The following TMEM240 variants were observed in gnomAD, a reference collection of about 807,000 sequenced individuals.
TMEM240 encodes the protein transmembrane protein 240.
TMEM240 carries 3 observed loss-of-function variants against 19.5 expected under a neutral mutation model. The ratio of observed to expected loss-of-function variants is 0.15; its 90% confidence interval spans 0.07 to 0.40. The LOEUF is 0.40. Among genes scored for constraint, TMEM240 ranks in the 10% least tolerant of loss-of-function variants. TMEM240 has a pLI of 1.00. For missense variants in TMEM240, 210 were observed against 253.5 expected (o/e 0.83, Z 1.17); for synonymous variants, 123 against 109.3 (o/e 1.13, Z -0.78).
chr1:1,535,546 C>A lies in TMEM240; in HGVS notation c.374-39G>T, dbSNP rs747363918. On this transcript the variant is annotated intron_variant, in intron 3 of 3. Transcript: ENST00000378733. This position sits in a 1 kb window ranked among gnomAD's most constrained non-coding sequence, Gnocchi z 8.2. ...GGGGCGGTCAGGCGGCTGGGGCCGG[C>A]CAGGGCGGCAGCACTCCCGGGCGGC... is the stretch of plus-strand genomic sequence containing the variant. 1.9e-6 allele frequency: 3 copies of A among 1,540,528 alleles called. No individual in the cohort carries two copies. Among genetic ancestry groups the A allele is most frequent in the South Asian group, 2.4e-5 (2 of 83,392 alleles).
rs2100700079 is a variant in TMEM240, at chr1:1,540,523, C to T, written c.-177G>A. The T allele has an allele frequency of 1.2e-5, 2 of 161,132 alleles. No homozygotes were observed. The highest frequency in any genetic ancestry group is 2.0e-4 in the East Asian group (1 of 5,090). The allele number at this position is 161,132 out of a possible 1,614,324, so 10.0% of individuals were successfully genotyped here. A position where few individuals can be genotyped will look rare whatever the true frequency, so the allele number is the denominator to read the frequency against. On this transcript the variant is annotated 5_prime_UTR_variant, in exon 1 of 4. Coordinates refer to ENST00000378733, the MANE Select transcript of TMEM240 (RefSeq NM_001114748.2). ...GGAGGAGGCGCGGGGGGGGGGGCGC[C>T]GGGGAGGGACGCGGGGCCTTTCTGG...
chr1:1,538,978 G>C (rs1463618421), intron 2 of TMEM240: 1 of 152,450 alleles, frequency 6.6e-6, no homozygotes, highest in Non-Finnish European at 1.5e-5. Context: ...GGTGTCCTGA[G>C]GGGTGGAAGT....
rs867363620 is a variant in TMEM240, at chr1:1,535,813, C to T, written c.165-16G>A. 23 of 1,545,926 alleles carry T rather than the reference C, an allele frequency of 1.5e-5. No individual in the cohort carries two copies. The highest frequency in any genetic ancestry group is 1.7e-4 in the Middle Eastern group (1 of 5,770). ...GATATGGTGCCTGGGGGCGGCAGGGCGGGCTGGCACCTCTCCCGCCACCCC... is the reference window on the plus strand; with the variant it reads ...GATATGGTGCCTGGGGGCGGCAGGGTGGGCTGGCACCTCTCCCGCCACCCC... On this transcript the variant is annotated splice_polypyrimidine_tract_variant and intron_variant, in intron 2 of 3. Transcript: ENST00000378733. This position sits in a 1 kb window ranked among gnomAD's most constrained non-coding sequence, Gnocchi z 8.2.
In TMEM240 at chr1:1,535,984, G is replaced by C. The variant is rs1642213479; in HGVS notation, c.165-187C>G. ...AACGAGGCCCAGGTCACAGGCCAGA[G>C]GGAGTGGGAGGTCAGTGGCCATGGG... On this transcript the variant is annotated intron_variant, in intron 2 of 3. Transcript: ENST00000378733. The surrounding 1 kb of genome is among the most constrained non-coding windows in gnomAD (Gnocchi z 8.2). Among the ~76,000 whole-genome samples the C allele has an allele frequency of 6.6e-6, 1 of 152,132 alleles. No individual in the cohort carries two copies. The highest frequency in any genetic ancestry group is 2.4e-5 in the African/African-American group (1 of 41,412).
At position 1,535,169 on chromosome 1, in the gene TMEM240, CCA is replaced by C. The variant is rs1469669067; in HGVS notation, c.*188_*189del. Reference sequence around the variant, plus strand: ...CCCCTAACCCAACCCCCACCCTAGCCCACACCCCAACCCCCTTTATAAAAAGA... The same window carrying C: ...CCCCTAACCCAACCCCCACCCTAGCCCACCCCAACCCCCTTTATAAAAAGA... On this transcript the variant is annotated 3_prime_UTR_variant, in exon 4 of 4. Transcript: ENST00000378733. This position sits in a 1 kb window ranked among gnomAD's most constrained non-coding sequence, Gnocchi z 8.2. 3.2e-6 allele frequency: 2 copies of C among 620,166 alleles called. No individual in the cohort carries two copies. Among genetic ancestry groups the C allele is most frequent in the Non-Finnish European group, 5.5e-6 (2 of 365,690 alleles). 38.4% of individuals were successfully genotyped at this position (620,166 alleles called of 1,614,324 possible). A position where few individuals can be genotyped will look rare whatever the true frequency, so the allele number is the denominator to read the frequency against.
Position 1,535,548 on chromosome 1 carries a change from A to G in TMEM240, c.373+41T>C. The G allele has an allele frequency of 6.5e-7, 1 of 1,540,804 alleles. No homozygotes were observed. Among genetic ancestry groups the G allele is most frequent in the Non-Finnish European group, 8.8e-7 (1 of 1,141,770 alleles). On this transcript the variant is annotated intron_variant, in intron 3 of 3. Transcript: ENST00000378733. The surrounding 1 kb of genome is among the most constrained non-coding windows in gnomAD (Gnocchi z 8.2). ...GGCGGTCAGGCGGCTGGGGCCGGCC[A>G]GGGCGGCAGCACTCCCGGGCGGCGG...
chr1:1,540,270 C>T lies in TMEM240; in HGVS notation c.57+20G>A. On this transcript the variant is annotated intron_variant, in intron 1 of 3. Transcript: ENST00000378733. ...GCGGGCGGGGAGCAGGGGGCGCGCG[C>T]GGGAAGCCCCTCCGCTCACCATCAC... is the stretch of plus-strand genomic sequence containing the variant. The T allele has an allele frequency of 7.6e-7, 1 of 1,311,924 alleles. No homozygotes were observed. The highest frequency in any genetic ancestry group is 2.3e-5 in the South Asian group (1 of 44,314). The allele number at this position is 1,311,924 out of a possible 1,614,324, so 81.3% of individuals were successfully genotyped here. A position where few individuals can be genotyped will look rare whatever the true frequency, so the allele number is the denominator to read the frequency against.
rs1054171549 is a variant in TMEM240, at chr1:1,540,335, G to T, written c.12C>A (p.Ser4Arg). ...GAATCATGAAGATCATGGTGTTCGCGCTCATGGACATCGGGCGGGGCCGGG... is the reference window on the plus strand; with the variant it reads ...GAATCATGAAGATCATGGTGTTCGCTCTCATGGACATCGGGCGGGGCCGGG... Reference protein sequence around the residue: MSMSANTMIFMILG... With the variant: MSMRANTMIFMILG... The change falls in exon 1 of 4, where the codon AGC becomes AGA. Residue 4 changes from serine to arginine, a missense_variant. Physicochemically the swap from Ser to Arg is moderately radical, Grantham distance 110. This residue lies in a region of TMEM240 where 30 missense variants were observed against 27.7 expected (regional missense o/e 1.08). Transcript: ENST00000378733. 16 of 1,274,732 alleles carry T rather than the reference G, an allele frequency of 1.3e-5. No homozygotes were observed. The highest frequency in any genetic ancestry group is 1.6e-5 in the Non-Finnish European group (16 of 1,000,768). 79.0% of individuals were successfully genotyped at this position (1,274,732 alleles called of 1,614,324 possible). A position where few individuals can be genotyped will look rare whatever the true frequency, so the allele number is the denominator to read the frequency against.
rs1040227851 is a variant in TMEM240 at position 1,535,019 on chromosome 1, G to T, written c.*340C>A. Among the ~76,000 whole-genome samples, 14 of 147,380 alleles carry T rather than the reference G, an allele frequency of 9.5e-5. No homozygotes were observed. The highest frequency in any genetic ancestry group is 3.6e-4 in the African/African-American group (14 of 39,284). On this transcript the variant is annotated 3_prime_UTR_variant, in exon 4 of 4. Coordinates refer to ENST00000378733, the MANE Select transcript of TMEM240 (RefSeq NM_001114748.2). The surrounding 1 kb of genome is among the most constrained non-coding windows in gnomAD (Gnocchi z 8.2). ...TCAAACAGATGCTGGCCCGGGCCGC[G>T]CGCCTCGCCGCCCCTGCCCCCACCT... is the stretch of plus-strand genomic sequence containing the variant.
At chr1:1,538,786 C>T (rs575671233) in intron 2 of TMEM240, among the ~76,000 whole-genome samples, 3 of 152,344 alleles carry the variant, frequency 2.0e-5, no homozygotes, top group South Asian at 4.1e-4. Flanking sequence ...ACACATGCCC[C>T]ACACCCACAC....
chr1:1,539,878 G>C, intron 1 of TMEM240, 88 bp from the exon 2 acceptor site: 1 of 1,161,936 alleles, frequency 8.6e-7, no homozygotes, highest in Non-Finnish European at 1.2e-6. Flanking sequence ...GGTCGGGGCA[G>C]CGCAAGCGGG....
In TMEM240 at chr1:1,535,430, C is replaced by T. The variant is rs1251585485; in HGVS notation, c.451G>A (p.Ala151Thr). ...GRRPHRPFEEAAGNMVHVKQK... is the reference protein window; with the variant it reads ...GRRPHRPFEETAGNMVHVKQK... ...TTCACGTGTACCATGTTCCCGGCGG[C>T]CTCCTCGAAGGGCCTGTGCGGCCGC... is the stretch of plus-strand genomic sequence containing the variant. Residue 151 changes from alanine (A) to threonine (T), a missense_variant, in exon 4 of 4, where the codon GCC (alanine) becomes ACC (threonine). By Grantham distance (58) the Ala-to-Thr change is moderately conservative. This residue lies in a region of TMEM240 where 157 missense variants were observed against 168.2 expected (regional missense o/e 0.93). Coordinates refer to ENST00000378733, the MANE Select transcript of TMEM240 (RefSeq NM_001114748.2). The surrounding 1 kb of genome is among the most constrained non-coding windows in gnomAD (Gnocchi z 8.2). 2.6e-6 allele frequency: 4 copies of T among 1,549,588 alleles called. No individual in the cohort carries two copies. Among genetic ancestry groups the T allele is most frequent in the Admixed American group, 2.0e-5 (1 of 50,978 alleles).
Position 1,540,325 on chromosome 1 carries a change from T to G in TMEM240, c.22A>C (p.Met8Leu). MSMSANT[M>L]IFMILGASVV... ...GACGCCCCCAGAATCATGAAGATCA[T>G]GGTGTTCGCGCTCATGGACATCGGG... Residue 8 changes from methionine to leucine, a missense_variant, in exon 1 of 4, where the codon ATG becomes CTG. Transcript: ENST00000378733. The G allele has an allele frequency of 7.7e-7, 1 of 1,292,718 alleles. No individual in the cohort carries two copies. Among genetic ancestry groups the G allele is most frequent in the Middle Eastern group, 2.2e-4 (1 of 4,474 alleles). The allele number at this position is 1,292,718 out of a possible 1,614,324, so 80.1% of individuals were successfully genotyped here.
In TMEM240 at chr1:1,539,859, G is replaced by A. The variant is rs990744793; in HGVS notation, c.58-69C>T. On this transcript the variant is annotated intron_variant, in intron 1 of 3. Coordinates refer to ENST00000378733, the MANE Select transcript of TMEM240 (RefSeq NM_001114748.2). ...CGAAGCGGGGCTGGGGGTGGGGAGCGCAGGCCGGGGTCGGGGCAGCGCAAG... is the reference window on the plus strand; with the variant it reads ...CGAAGCGGGGCTGGGGGTGGGGAGCACAGGCCGGGGTCGGGGCAGCGCAAG... 19 of 1,288,812 alleles carry A rather than the reference G, an allele frequency of 1.5e-5. No homozygotes were observed. In the Admixed American group the frequency reaches 3.8e-4, roughly 26 times the overall value. The allele number at this position is 1,288,812 out of a possible 1,614,324, so 79.8% of individuals were successfully genotyped here.
chr1:1,535,189 T>G lies in TMEM240; in HGVS notation c.*170A>C. On this transcript the variant is annotated 3_prime_UTR_variant, in exon 4 of 4. Coordinates refer to ENST00000378733, the MANE Select transcript of TMEM240 (RefSeq NM_001114748.2). This position sits in a 1 kb window ranked among gnomAD's most constrained non-coding sequence, Gnocchi z 8.2. ...CTAGCCCACACCCCAACCCCCTTTATAAAAAGAAGAGACAGCACCTTCCAC... is the reference window on the plus strand; with the variant it reads ...CTAGCCCACACCCCAACCCCCTTTAGAAAAAGAAGAGACAGCACCTTCCAC... The G allele has an allele frequency of 1.8e-6, 1 of 557,708 alleles. No homozygotes were observed. The allele number at this position is 557,708 out of a possible 1,614,324, so 34.5% of individuals were successfully genotyped here. A position where few individuals can be genotyped will look rare whatever the true frequency, so the allele number is the denominator to read the frequency against.
intron 1 of TMEM240, among the ~76,000 whole-genome samples, 188 bp downstream of exon 1, chr1:1,540,102 T>C (rs1411852969): frequency 4.0e-5 from 1 of 24,964 alleles, no homozygotes; most frequent in Non-Finnish European, 7.1e-5. Flanking sequence ...GGATCGCAGG[T>C]TGGGGAGGGG....
chr1:1,540,329 G>T lies in TMEM240; in HGVS notation c.18C>A (p.Asn6Lys). MSMSA[N>K]TMIFMILGAS... ...CCCCCAGAATCATGAAGATCATGGTGTTCGCGCTCATGGACATCGGGCGGG... is the reference window on the plus strand; with the variant it reads ...CCCCCAGAATCATGAAGATCATGGTTTTCGCGCTCATGGACATCGGGCGGG... Residue 6 changes from asparagine (N) to lysine (K), a missense_variant, in exon 1 of 4, where the codon AAC (asparagine) becomes AAA (lysine). By Grantham distance (94) the Asn-to-Lys change is moderately conservative. Coordinates refer to ENST00000378733, the MANE Select transcript of TMEM240 (RefSeq NM_001114748.2). 7.7e-7 allele frequency: 1 copy of T among 1,302,018 alleles called. No individual in the cohort carries two copies. 80.7% of individuals were successfully genotyped at this position (1,302,018 alleles called of 1,614,324 possible).
chr1:1,540,577 GC>G lies in TMEM240; in HGVS notation c.-232del. ...CTCTCGGCCCGGCCCGCCGCGCTCC[GC>G]TCCGCCCTCGGGTCCTCCCTGCGAT... is the stretch of plus-strand genomic sequence containing the variant. On this transcript the variant is annotated 5_prime_UTR_variant, in exon 1 of 4. Coordinates refer to ENST00000378733, the MANE Select transcript of TMEM240 (RefSeq NM_001114748.2). 6.2e-6 allele frequency: 1 copy of G among 161,344 alleles called. No individual in the cohort carries two copies. Among genetic ancestry groups the G allele is most frequent in the African/African-American group, 2.5e-5 (1 of 40,732 alleles). 10.0% of individuals were successfully genotyped at this position (161,344 alleles called of 1,614,324 possible).
chr1:1,539,068 A>G (rs910388586), intron 2 of TMEM240: 9 of 154,474 alleles, frequency 5.8e-5, no homozygotes, highest in African/African-American at 2.2e-4. Flanking sequence ...TCATGAGAAG[A>G]TGTTTATTTC....
Sources: allele counts gnomAD v4.1 joint callset (sites outside exome capture counted in the v4.1 genomes callset), GRCh38; gene constraint gnomAD v4.1.1; regional missense constraint gnomAD v4.1.1; non-coding constraint Gnocchi (gnomAD v3.1); transcripts MANE v1.5; gene names NCBI Gene and HGNC (gene_info 2026-07-23, HGNC 2026-07-21).